Variants in PSG11 observed in about 807,000 individuals in gnomAD.
PSG11 encodes pregnancy-specific beta-1-glycoprotein 11.
A neutral mutation model predicts 36.0 loss-of-function variants in PSG11; 42 were observed. The ratio of observed to expected loss-of-function variants is 1.17; its 90% CI spans 0.91 to 1.51. The LOEUF is 1.51. Among genes scored for constraint, PSG11 ranks in the 40% most tolerant of loss-of-function variants. The pLI, the probability that PSG11 is intolerant of heterozygous loss-of-function variation, is 0.00. For synonymous variants in PSG11, 206 were observed against 153.5 expected, an observed-to-expected ratio of 1.34 and a Z score of -2.53; for missense variants, 558 against 403.5, an observed-to-expected ratio of 1.38 and a Z score of -3.28.
Position 43,024,751 on chromosome 19 carries a change from T to C in PSG11, c.370A>G (p.Ile124Val). The change falls in exon 2 of 6, where the codon ATC (isoleucine) becomes GTC (valine). Residue 124 changes from isoleucine (I) to valine (V), a missense_variant. Transcript: ENST00000320078. Reference protein sequence around the residue: ...REDAGSYTLHIIKRGDGTRGV... With the variant: ...REDAGSYTLHVIKRGDGTRGV... ...CTAGTCCCATCACCTCGCTTTATGA[T>C]GTGTAAGGTGTAGGATCCTGCGTCC... 6.2e-7 allele frequency: 1 copy of C among 1,611,804 alleles called. No homozygotes were observed. Among genetic ancestry groups the C allele is most frequent in the East Asian group, 2.2e-5 (1 of 44,796 alleles).
intron 3 of PSG11, 141 bp from the exon 4 acceptor site, chr19:43,015,511 G>A (rs1248492710): frequency 1.5e-6 from 2 of 1,338,836 alleles, no homozygotes; most frequent in African/African-American, 3.0e-5. Context: ...TCACTGAGCT[G>A]AAGCCTGAAG....
At chr19:43,008,254 A>G in intron 5 of PSG11, 1 of 184,420 alleles carries the variant, frequency 5.4e-6, no homozygotes, top group Non-Finnish European at 1.1e-5. Context: ...GAAATTTCAT[A>G]TAATTTTTAG....
In PSG11 at chr19:43,010,457, T is replaced by C. The variant is rs1974045179; in HGVS notation, c.965-416A>G. On this transcript the variant is annotated intron_variant, in intron 4 of 5. Coordinates refer to ENST00000320078, the MANE Select transcript of PSG11 (RefSeq NM_002785.3). ...TTGACAGAAGGCCCAGGTCAGTGCA[T>C]TTCAAATTCACCACCTCCTTTGCAC... 3.0e-6 allele frequency: 4 copies of C among 1,323,250 alleles called. No individual in the cohort carries two copies. The South Asian group carries it at 5.3e-5, about 18-fold the overall frequency. 82.0% of individuals were successfully genotyped at this position (1,323,250 alleles called of 1,614,324 possible).
At chr19:43,013,278 A>T (rs368668980) in intron 4 of PSG11, among the ~76,000 whole-genome samples, 1 of 151,526 alleles carries the variant, frequency 6.6e-6, no homozygotes, top group East Asian at 1.9e-4. Context: ...ACAAAAATCA[A>T]AACCTTTTAT....
At chr19:43,016,530 G>A (rs1966971259) in intron 3 of PSG11, among the ~76,000 whole-genome samples, 1 of 151,366 alleles carries the variant, frequency 6.6e-6, no homozygotes, top group African/African-American at 2.4e-5. Flanking sequence ...TGAAGATACT[G>A]AGCAGCCTGG....
chr19:43,019,336 C>CT, intron 2 of PSG11: 1 of 525,948 alleles, frequency 1.9e-6, no homozygotes, highest in Non-Finnish European at 3.0e-6. Context: ...TGGTGCCTCT[C>CT]TGAGTCCCTC....
At position 43,011,963 on chromosome 19, in the gene PSG11, T is replaced by C. The variant is rs956137300; in HGVS notation, c.965-1922A>G. On this transcript the variant is annotated intron_variant, in intron 4 of 5. Coordinates refer to ENST00000320078, the MANE Select transcript of PSG11 (RefSeq NM_002785.3). ...CTACCAATTATAATAAAATAATGAT[T>C]ATGAAAGTACTATAAATAATTGTAT... Among the ~76,000 whole-genome samples, 4 of 150,224 alleles carry C rather than the reference T, an allele frequency of 2.7e-5. No individual in the cohort carries two copies. The East Asian group carries it at 7.8e-4, about 29-fold the overall frequency.
intron 5 of PSG11, 109 bp from the exon 6 acceptor site, chr19:43,008,151 C>T (rs1471654470): frequency 3.3e-6 from 1 of 299,028 alleles, no homozygotes; most frequent in African/African-American, 2.2e-5. Context: ...GTTTAAAAAT[C>T]TAATGAGAAT....
In PSG11 at chr19:43,024,782, G is replaced by A. The variant is rs144373794; in HGVS notation, c.339C>T (p.Thr113=). The A allele has an allele frequency of 8.7e-5, 140 of 1,611,702 alleles. 1 individual carries two copies. Among genetic ancestry groups the A allele is most frequent in the Non-Finnish European group, 1.1e-4 (134 of 1,179,058 alleles). Residue 113 remains threonine (T), a synonymous_variant, in exon 2 of 6, where the codon ACC becomes ACT. Coordinates refer to ENST00000320078, the MANE Select transcript of PSG11 (RefSeq NM_002785.3). ...AGGTGTAGGATCCTGCGTCCTCCCGGGTGACATTCTGGATCAGCAGGGATG... is the reference window on the plus strand; with the variant it reads ...AGGTGTAGGATCCTGCGTCCTCCCGAGTGACATTCTGGATCAGCAGGGATG... ...SNASLLIQNV[T]REDAGSYTLH... is the part of the protein sequence containing the mutation.
intron 1 of PSG11, 174 bp from the exon 2 acceptor site, chr19:43,025,230 G>A (rs1209030132): frequency 1.7e-6 from 2 of 1,157,874 alleles, no homozygotes; most frequent in African/African-American, 1.6e-5. Flanking sequence ...GTTTGTGTAT[G>A]TGTATGTGTG....
intron 3 of PSG11, chr19:43,018,505 G>C (rs1161769742): frequency 9.9e-6 from 8 of 804,250 alleles, no homozygotes; most frequent in Non-Finnish European, 1.1e-5. Flanking sequence ...TGTGTTCACT[G>C]ATCTGGAGCC....
intron 2 of PSG11, among the ~76,000 whole-genome samples, chr19:43,023,261 G>T (rs377043438): frequency 6.7e-6 from 1 of 150,058 alleles, no homozygotes; most frequent in African/African-American, 2.5e-5. Context: ...CTGCATTCAA[G>T]ATCCAGTCTC....
rs750116695 is a variant in PSG11, at chr19:43,026,462, C to T, written c.-90G>A. On this transcript the variant is annotated 5_prime_UTR_variant, in exon 1 of 6. Transcript: ENST00000320078. ...ACGGCTGTCAGCTGTGCTGTCCTTC[C>T]TCCTTCTGCGCTGAGACTCTTCCCG... 3.8e-5 allele frequency: 57 copies of T among 1,515,174 alleles called. 4 individuals are homozygous for T. The Middle Eastern group carries it at 1.6e-3, about 41-fold the overall frequency. 93.9% of individuals were successfully genotyped at this position (1,515,174 alleles called of 1,614,324 possible).
chr19:43,008,016 CT>C lies in PSG11; in HGVS notation c.*66del. The C allele has an allele frequency of 2.5e-6, 1 of 399,356 alleles. No individual in the cohort carries two copies. Among genetic ancestry groups the C allele is most frequent in the Non-Finnish European group, 4.6e-6 (1 of 216,044 alleles). 24.7% of individuals were successfully genotyped at this position (399,356 alleles called of 1,614,324 possible). A position where few individuals can be genotyped will look rare whatever the true frequency, so the allele number is the denominator to read the frequency against. ...TATCAGGAACTTGTATTCAAGAGTCCTTTTCATAGTCTTTTCCATAAATCTC... is the reference window on the plus strand; with the variant it reads ...TATCAGGAACTTGTATTCAAGAGTCCTTTCATAGTCTTTTCCATAAATCTC... On this transcript the variant is annotated 3_prime_UTR_variant, in exon 6 of 6. Coordinates refer to ENST00000320078, the MANE Select transcript of PSG11 (RefSeq NM_002785.3).
intron 1 of PSG11, among the ~76,000 whole-genome samples, chr19:43,025,936 C>CTTTTTTTTTTTTTTTTT (rs1195259262): frequency 8.8e-5 from 6 of 68,146 alleles, no homozygotes; most frequent in South Asian, 6.0e-4. Context: ...TTTTTTTTCT[C>CTTTTTTTTTTTTTTTTT]TTTTTTTTTT....
intron 4 of PSG11, chr19:43,014,055 T>C (rs1345345253): frequency 6.6e-6 from 1 of 151,364 alleles, no homozygotes; most frequent in African/African-American, 2.4e-5. Flanking sequence ...TTATAAAAGA[T>C]AGAGTAGCCA....
intron 1 of PSG11, 29 bp from the exon 2 acceptor site, chr19:43,025,085 A>G (rs1331810091): frequency 1.9e-6 from 3 of 1,596,396 alleles, no homozygotes; most frequent in Admixed American, 1.7e-5. Flanking sequence ...ATCAGTCAAT[A>G]TTGAGACCTA....
chr19:43,022,527 C>T (rs1967126396), intron 2 of PSG11, among the ~76,000 whole-genome samples: 1 of 151,454 alleles, frequency 6.6e-6, no homozygotes, highest in African/African-American at 2.4e-5. Context: ...TAATAATAAA[C>T]CTCTGTCCTC....
chr19:43,024,833 A>G lies in PSG11; in HGVS notation c.288T>C (p.Ser96=), dbSNP rs1427810411. ...CATTGGAATATACTGTTTCTCGTCC[A>G]CTGTATGCCGGTCCATATATAATTA... ...GQIIIYGPAY[S]GRETVYSNAS... The change falls in exon 2 of 6, where the codon AGT becomes AGC. Residue 96 remains serine (S), a synonymous_variant. Coordinates refer to ENST00000320078, the MANE Select transcript of PSG11 (RefSeq NM_002785.3). 11 of 1,611,982 alleles carry G rather than the reference A, an allele frequency of 6.8e-6. No homozygotes were observed. The highest frequency in any genetic ancestry group is 1.1e-5 in the South Asian group (1 of 90,820).
Sources: gnomAD v4.1 joint callset for allele counts (sites outside exome capture counted in the v4.1 genomes callset) on GRCh38, gnomAD v4.1.1 for gene constraint, MANE v1.5 for transcripts, NCBI Gene and HGNC (gene_info 2026-07-23, HGNC 2026-07-21) for gene names.